Variants in ADGRB3 observed in about 807,000 individuals in gnomAD.
The protein encoded by ADGRB3 is adhesion G protein-coupled receptor B3.
A neutral mutation model predicts 193.4 loss-of-function variants in ADGRB3; 37 were observed. That is an observed-to-expected ratio of 0.19 (90% CI 0.15 to 0.25). ADGRB3 has a LOEUF of 0.25. ADGRB3 is among the 10% of genes least tolerant of loss of function. ADGRB3 has a pLI of 1.00. For synonymous variants in ADGRB3, 690 were observed against 644.2 expected (o/e 1.07, Z -1.08); for missense variants, 1,637 against 1,852.9 (o/e 0.88, Z 2.14).
intron 8 of ADGRB3, among the ~76,000 whole-genome samples, chr6:68,970,519 G>A (rs980374786): frequency 2.0e-5 from 3 of 152,144 alleles, no homozygotes; most frequent in East Asian, 3.9e-4. Flanking sequence ...GTTTCATCAG[G>A]CTGGTCTTGA....
chr6:68,669,694 T>A (rs779577994), intron 3 of ADGRB3, among the ~76,000 whole-genome samples: 4 of 151,198 alleles, frequency 2.6e-5, no homozygotes, highest in Non-Finnish European at 5.9e-5. Flanking sequence ...GATGGCCACT[T>A]AGGTTGCTTC....
chr6:69,376,738 C>T (rs915867645), intron 30 of ADGRB3, among the ~76,000 whole-genome samples: 3 of 152,014 alleles, frequency 2.0e-5, no homozygotes, highest in Non-Finnish European at 4.4e-5. Flanking sequence ...CTTCTTCCTG[C>T]GCCATCCCTG....
chr6:68,893,710 T>A (rs571598494), intron 3 of ADGRB3, among the ~76,000 whole-genome samples: 1 of 152,110 alleles, frequency 6.6e-6, no homozygotes, highest in African/African-American at 2.4e-5. Context: ...TCAGTTTAAT[T>A]AATGCTAACT....
At chr6:68,715,913 T>C (rs1765481805) in intron 3 of ADGRB3, among the ~76,000 whole-genome samples, 1 of 151,676 alleles carries the variant, frequency 6.6e-6, no homozygotes. Context: ...CACTCTTTCT[T>C]GGAGTAGGTG....
At chr6:68,945,914 A>T (rs1308559780) in intron 6 of ADGRB3, among the ~76,000 whole-genome samples, 1 of 152,132 alleles carries the variant, frequency 6.6e-6, no homozygotes, top group Non-Finnish European at 1.5e-5. Context: ...TTATCTTATC[A>T]TTGGAAGCAC....
At chr6:68,854,645 T>C (rs1252074146) in intron 3 of ADGRB3, among the ~76,000 whole-genome samples, 2 of 152,110 alleles carry the variant, frequency 1.3e-5, no homozygotes, top group African/African-American at 2.4e-5. Context: ...GGTTTGGCCA[T>C]AGAGAAAAGA....
intron 3 of ADGRB3, among the ~76,000 whole-genome samples, chr6:68,807,292 G>GT: frequency 7.7e-6 from 1 of 129,822 alleles, no homozygotes; most frequent in South Asian, 2.4e-4. Flanking sequence ...TTGGAGTGCA[G>GT]TGTGGCGCGA....
chr6:69,032,759 G>A (rs1036729025), intron 13 of ADGRB3, among the ~76,000 whole-genome samples: 3 of 152,164 alleles, frequency 2.0e-5, no homozygotes, highest in Admixed American at 6.5e-5. Flanking sequence ...GTGCTTTTAT[G>A]TCAGTGCAAA....
chr6:68,984,481 G>C (rs1191986178), intron 10 of ADGRB3, among the ~76,000 whole-genome samples: 4 of 152,074 alleles, frequency 2.6e-5, no homozygotes. Flanking sequence ...AATAATTTTG[G>C]AAGTCATCAA....
intron 3 of ADGRB3, among the ~76,000 whole-genome samples, chr6:68,883,862 A>G (rs1260533387): frequency 6.6e-6 from 1 of 152,230 alleles, no homozygotes; most frequent in Non-Finnish European, 1.5e-5. Flanking sequence ...ATACTGAGGC[A>G]AGATAGTTAC....
At chr6:68,799,087 A>C (rs1393897000) in intron 3 of ADGRB3, among the ~76,000 whole-genome samples, 2 of 152,196 alleles carry the variant, frequency 1.3e-5, no homozygotes, top group East Asian at 3.9e-4. Flanking sequence ...TTTTCGTTTA[A>C]AGAATAGATT....
chr6:68,698,167 A>G (rs1477176132), intron 3 of ADGRB3, among the ~76,000 whole-genome samples: 3 of 151,890 alleles, frequency 2.0e-5, no homozygotes, highest in African/African-American at 7.2e-5. Context: ...ATTTAAAACT[A>G]ACCAATGAAA....
chr6:68,895,637 A>G lies in ADGRB3; in HGVS notation c.758-34922A>G, dbSNP rs9454638. Among the ~76,000 whole-genome samples the G allele has an allele frequency of 9.8e-3, 1,490 of 152,158 alleles. 39 individuals carry two copies. Among genetic ancestry groups the G allele is most frequent in the African/African-American group, 0.034 (1,414 of 41,550 alleles). ...TATTAGTGAGGGATTACTGTATTAT[A>G]CAGTGTGCCAATTGTTCAGATCAAT... On this transcript the variant is annotated intron_variant, in intron 3 of 31. Transcript: ENST00000370598.
chr6:69,379,751 G>A (rs1324060627), intron 30 of ADGRB3, among the ~76,000 whole-genome samples: 3 of 151,944 alleles, frequency 2.0e-5, no homozygotes, highest in African/African-American at 7.2e-5. Flanking sequence ...AGAACTCCAG[G>A]CCATCATTGC....
chr6:68,906,286 G>A (rs1226539598), intron 3 of ADGRB3, among the ~76,000 whole-genome samples: 1 of 151,180 alleles, frequency 6.6e-6, no homozygotes. Flanking sequence ...CAAGCAAGAA[G>A]GTATACCACA....
At chr6:69,239,361 T>C (rs76181272) in intron 20 of ADGRB3, 135 bp downstream of exon 20, 47,297 of 605,186 alleles carry the variant, frequency 0.078, 2,293 homozygotes, top group Admixed American at 0.098. Context: ...ATTTTGTTAT[T>C]GGTTTATGAA....
chr6:69,367,451 A>G (rs1002073348), intron 29 of ADGRB3, among the ~76,000 whole-genome samples: 3 of 152,088 alleles, frequency 2.0e-5, no homozygotes, highest in African/African-American at 4.8e-5. Context: ...GACTTCCACA[A>G]TGGTTGAACT....
At chr6:69,247,481 T>A (rs577732080) in intron 20 of ADGRB3, among the ~76,000 whole-genome samples, 1 of 152,274 alleles carries the variant, frequency 6.6e-6, no homozygotes, top group South Asian at 2.1e-4. Flanking sequence ...CTATGGGAGT[T>A]CCTCTTGCTT....
rs192499306 is a variant in ADGRB3 at position 69,214,033 on chromosome 6, A to G, written c.2481-19257A>G. On this transcript the variant is annotated intron_variant, in intron 17 of 31. Transcript: ENST00000370598. ...TTATAAATGACATATAAAAATAGCTATCAGAACACAAGCAGCCCTGGGCAT... is the reference window on the plus strand; with the variant it reads ...TTATAAATGACATATAAAAATAGCTGTCAGAACACAAGCAGCCCTGGGCAT... Among the ~76,000 whole-genome samples the G allele has an allele frequency of 1.2e-3, 184 of 152,312 alleles. 2 individuals are homozygous for G. The highest frequency in any genetic ancestry group is 1.3e-4 in the Non-Finnish European group (9 of 68,018).
Sources: gnomAD v4.1 joint callset for allele counts (sites outside exome capture counted in the v4.1 genomes callset) on GRCh38, gnomAD v4.1.1 for gene constraint, MANE v1.5 for transcripts, NCBI Gene and HGNC (gene_info 2026-07-23, HGNC 2026-07-21) for gene names.